PPP2R2B: variants seen among roughly 807,000 people sequenced by gnomAD.
PPP2R2B encodes the protein protein phosphatase 2 regulatory subunit Bbeta.
A neutral mutation model predicts 46.0 loss-of-function variants in PPP2R2B; 5 were observed. The observed-to-expected ratio is 0.11, with a 90% CI of 0.06 to 0.23. The LOEUF (loss-of-function observed/expected upper bound fraction) is 0.23, where lower values mean the gene tolerates loss of function less well. PPP2R2B is among the 10% of genes least tolerant of loss of function. The pLI is 1.00. For synonymous variants in PPP2R2B, 215 were observed against 206.7 expected (o/e 1.04, Z -0.34); for missense variants, 367 against 575.0 (o/e 0.64, Z 3.70).
chr5:146,710,865 C>T (rs1780176319), intron 2 of PPP2R2B, among the ~76,000 whole-genome samples: 1 of 152,246 alleles, frequency 6.6e-6, no homozygotes, highest in South Asian at 2.1e-4. Flanking sequence ...CATATTATGG[C>T]ATCTGGCACA....
intron 1 of PPP2R2B, among the ~76,000 whole-genome samples, chr5:147,035,479 C>A (rs758616150): frequency 3.3e-5 from 5 of 152,164 alleles, no homozygotes; most frequent in African/African-American, 4.8e-5. Flanking sequence ...TCAGGTCATT[C>A]TCTCTGAATT....
chr5:146,671,173 AAC>A (rs1777342482), intron 5 of PPP2R2B, among the ~76,000 whole-genome samples: 1 of 152,348 alleles, frequency 6.6e-6, no homozygotes. Context: ...CATCAACAGA[AAC>A]ACATATCCTA....
intron 1 of PPP2R2B, among the ~76,000 whole-genome samples, chr5:146,917,207 C>T (rs1763421276): frequency 6.6e-6 from 1 of 151,984 alleles, no homozygotes; most frequent in African/African-American, 2.4e-5. Context: ...CCTGTAATAA[C>T]CAGCGACATG....
intron 5 of PPP2R2B, among the ~76,000 whole-genome samples, chr5:146,673,113 G>A (rs919029333): frequency 6.6e-6 from 1 of 152,160 alleles, no homozygotes; most frequent in Non-Finnish European, 1.5e-5. Flanking sequence ...CTGAGTTATG[G>A]TTTTTTCCTT....
intron 7 of PPP2R2B, among the ~76,000 whole-genome samples, chr5:146,627,010 C>T (rs1196261567): frequency 6.6e-6 from 1 of 152,076 alleles, no homozygotes; most frequent in Non-Finnish European, 1.5e-5. Flanking sequence ...ATGGCTTGGG[C>T]ACTGCCTGCT....
chr5:147,068,325 C>T (rs1437220465), intron 2 of PPP2R2B, among the ~76,000 whole-genome samples: 1 of 152,096 alleles, frequency 6.6e-6, no homozygotes, highest in Non-Finnish European at 1.5e-5. Flanking sequence ...TAAAGTTATG[C>T]AGTCTATTCA....
chr5:147,064,895 G>T (rs146289361), intron 2 of PPP2R2B, among the ~76,000 whole-genome samples: 383 of 152,286 alleles, frequency 2.5e-3, no homozygotes, highest in Admixed American at 7.3e-3. Context: ...ACCAGTTTGG[G>T]CAGTAGAATG....
At chr5:146,978,322 C>T (rs1000423790) in intron 1 of PPP2R2B, among the ~76,000 whole-genome samples, 7 of 152,062 alleles carry the variant, frequency 4.6e-5, no homozygotes, top group African/African-American at 1.4e-4. Flanking sequence ...CTGTAGGTTG[C>T]CTGTTAACTC....
chr5:147,034,523 T>C (rs1192330052), intron 1 of PPP2R2B, among the ~76,000 whole-genome samples: 3 of 152,210 alleles, frequency 2.0e-5, no homozygotes, highest in African/African-American at 4.8e-5. Flanking sequence ...GCCACTGCTC[T>C]TCTAAATGTC....
At chr5:146,600,602 G>C in intron 7 of PPP2R2B, 142 bp from the exon 8 acceptor site, 1 of 777,224 alleles carries the variant, frequency 1.3e-6, no homozygotes, top group Non-Finnish European at 2.0e-6. Flanking sequence ...TGCTAATAGA[G>C]AACTGTCATC....
chr5:146,662,681 A>T (rs1776740390), intron 5 of PPP2R2B, among the ~76,000 whole-genome samples: 1 of 152,218 alleles, frequency 6.6e-6, no homozygotes, highest in African/African-American at 2.4e-5. Context: ...CTATGGGTTT[A>T]AAATGATTTT....
chr5:146,600,594 C>T, intron 7 of PPP2R2B, 134 bp from the exon 8 acceptor site: 3 of 826,436 alleles, frequency 3.6e-6, no homozygotes, highest in South Asian at 1.8e-5. Flanking sequence ...ATGTAAGTTG[C>T]TAATAGAGAA....
Position 146,959,629 on chromosome 5 carries a change from G to A in PPP2R2B, c.79+96036C>T, listed in dbSNP as rs184246323. ...AGTCAGCTGGGAATGAGACAGAGAG[G>A]ACAATGGAAAGGTTTCTGGGTCCTT... On this transcript the variant is annotated intron_variant, in intron 1 of 8. Coordinates refer to the PPP2R2B transcript ENST00000336640. 1.5e-3 allele frequency among the ~76,000 whole-genome samples: 230 copies of A among 152,266 alleles called. 1 individual carries two copies. The highest frequency in any genetic ancestry group is 5.4e-3 in the African/African-American group (224 of 41,544).
chr5:146,630,074 C>T (rs1325689498), intron 7 of PPP2R2B, among the ~76,000 whole-genome samples: 2 of 152,202 alleles, frequency 1.3e-5, no homozygotes, highest in Non-Finnish European at 2.9e-5. Context: ...CTCAGCCTCC[C>T]AAAGTGCTGG....
At chr5:146,594,871 TTTAAG>T (rs1036874619) in intron 8 of PPP2R2B, among the ~76,000 whole-genome samples, 4 of 152,112 alleles carry the variant, frequency 2.6e-5, no homozygotes, top group African/African-American at 7.2e-5. Flanking sequence ...GGCATTGGTG[TTTAAG>T]TTAAGAGTGA....
chr5:146,732,259 A>C (rs1461448183), intron 2 of PPP2R2B, among the ~76,000 whole-genome samples: 3 of 152,266 alleles, frequency 2.0e-5, no homozygotes, highest in Non-Finnish European at 2.9e-5. Context: ...AAGAGAAAAC[A>C]GCATTTCTAA....
At chr5:147,025,545 A>G (rs892539285) in intron 1 of PPP2R2B, among the ~76,000 whole-genome samples, 1 of 152,142 alleles carries the variant, frequency 6.6e-6, no homozygotes, top group Admixed American at 6.5e-5. Context: ...CCAAAGCATG[A>G]TCTATAAAAA....
rs868525447 is a variant in PPP2R2B at position 146,676,866 on chromosome 5, C to A, written c.447+14262G>T. Among the ~76,000 whole-genome samples, 43 of 152,102 alleles carry A rather than the reference C, an allele frequency of 2.8e-4. 1 individual carries two copies. Among genetic ancestry groups the A allele is most frequent in the Non-Finnish European group, 7.3e-5 (5 of 68,028 alleles). ...AAGAAACCGAGGTGGTGCTTATGTT[C>A]TTAATTGGTTTGACCGTCAAGTAGT... is the stretch of plus-strand genomic sequence containing the variant. On this transcript the variant is annotated intron_variant, in intron 5 of 9. Coordinates refer to ENST00000394411, the MANE Select transcript of PPP2R2B (RefSeq NM_181675.4).
chr5:146,972,280 C>T (rs1752693403), intron 1 of PPP2R2B, among the ~76,000 whole-genome samples: 1 of 152,198 alleles, frequency 6.6e-6, no homozygotes, highest in Admixed American at 6.5e-5. Context: ...GTGTTATCAA[C>T]ATGACTTATC....
Sources: allele counts gnomAD v4.1 joint callset (sites outside exome capture counted in the v4.1 genomes callset), GRCh38; gene constraint gnomAD v4.1.1; transcripts MANE v1.5; gene names NCBI Gene and HGNC (gene_info 2026-07-23, HGNC 2026-07-21).